The following RANBP2 variants were observed in gnomAD, a reference collection of about 807,000 sequenced individuals.
RANBP2 encodes E3 SUMO-protein ligase RanBP2.
RANBP2 carries 57 observed loss-of-function variants against 303.6 expected under a neutral mutation model. The observed-to-expected ratio is 0.19, with a 90% CI of 0.15 to 0.23. The LOEUF (loss-of-function observed/expected upper bound fraction) is 0.23. RANBP2 is among the 10% of genes least tolerant of loss of function. The pLI is 1.00. For synonymous variants in RANBP2, 1,167 were observed against 1,301.5 expected (o/e 0.90, Z 2.23); for missense variants, 3,138 against 3,780.8 (o/e 0.83, Z 4.46).
At chr2:109,594,335 G>A in the RANBP2 span, among the ~76,000 whole-genome samples, 4 of 152,098 alleles carry the variant, frequency 2.6e-5, no homozygotes, top group Non-Finnish European at 5.9e-5. Context: ...TCCCACTCTT[G>A]ATTCTCTAAT....
At chr2:108,879,746 CATT>C in the RANBP2 span, among the ~76,000 whole-genome samples, 71 of 152,160 alleles carry the variant, frequency 4.7e-4, 1 homozygote, top group East Asian at 9.7e-3. Context: ...AAGCCGCTAT[CATT>C]GTTGTGACTA....
chr2:108,854,077 TATA>T, the RANBP2 span, among the ~76,000 whole-genome samples: 15 of 130,720 alleles, frequency 1.1e-4, no homozygotes, highest in Non-Finnish European at 1.7e-4. Flanking sequence ...TTATATATAA[TATA>T]ATAAATTTAT....
At chr2:109,600,140 T>C in the RANBP2 span, among the ~76,000 whole-genome samples, 2 of 152,032 alleles carry the variant, frequency 1.3e-5, no homozygotes, top group Non-Finnish European at 2.9e-5. Flanking sequence ...CAGGGCTGCC[T>C]GGCCCAGACT....
intron 14 of RANBP2, 50 bp downstream of exon 14, chr2:108,753,613 T>G (rs202002984): frequency 3.8e-6 from 6 of 1,593,890 alleles, no homozygotes; most frequent in Non-Finnish European, 3.4e-6. Flanking sequence ...TTATTTATTA[T>G]TTTTTTAAAA....
At chr2:109,683,212 G>A in the RANBP2 span, among the ~76,000 whole-genome samples, 1 of 152,084 alleles carries the variant, frequency 6.6e-6, no homozygotes, top group Non-Finnish European at 1.5e-5. Context: ...CACCATATTG[G>A]CCAGGCTGGT....
At chr2:109,009,700 AC>A in the RANBP2 span, among the ~76,000 whole-genome samples, 1 of 62,886 alleles carries the variant, frequency 1.6e-5, no homozygotes, top group Non-Finnish European at 2.5e-5. Flanking sequence ...TGACATTTTT[AC>A]CTTTTTTTTG....
the RANBP2 span, among the ~76,000 whole-genome samples, chr2:109,480,148 A>G: frequency 2.3e-4 from 35 of 152,306 alleles, no homozygotes; most frequent in Non-Finnish European, 4.0e-4. Flanking sequence ...TTGCATATCA[A>G]CCACATTAAG....
chr2:108,843,347 G>A, the RANBP2 span, among the ~76,000 whole-genome samples: 1 of 151,952 alleles, frequency 6.6e-6, no homozygotes, highest in Non-Finnish European at 1.5e-5. Flanking sequence ...TAGTAGAGAT[G>A]GGGTTTCGCC....
At chr2:109,495,477 C>CTTTTTTTTTTTTTTTTTTTTTTTTT in the RANBP2 span, among the ~76,000 whole-genome samples, 1 of 94,240 alleles carries the variant, frequency 1.1e-5, no homozygotes, top group Non-Finnish European at 2.0e-5. Context: ...TCTTTCATTC[C>CTTTTTTTTTTTTTTTTTTTTTTTTT]TTTTTTTTTT....
At chr2:109,345,003 G>GC in the RANBP2 span, among the ~76,000 whole-genome samples, 1 of 152,152 alleles carries the variant, frequency 6.6e-6, no homozygotes, top group Non-Finnish European at 1.5e-5. Flanking sequence ...TGTCAGGGAG[G>GC]CCTGCAGGCC....
At chr2:109,206,797 CAA>C in the RANBP2 span, among the ~76,000 whole-genome samples, 5 of 152,210 alleles carry the variant, frequency 3.3e-5, no homozygotes, top group South Asian at 2.1e-4. Flanking sequence ...GCCTGGGTGA[CAA>C]GAGAGAGACA....
chr2:109,343,402 C>G, the RANBP2 span, among the ~76,000 whole-genome samples: 1 of 151,992 alleles, frequency 6.6e-6, no homozygotes, highest in Non-Finnish European at 1.5e-5. Context: ...TGTCCTGCAT[C>G]TTAAAAAGGT....
the RANBP2 span, among the ~76,000 whole-genome samples, chr2:108,799,454 T>C: frequency 6.6e-6 from 1 of 152,194 alleles, no homozygotes; most frequent in Admixed American, 6.6e-5. Context: ...CTTGTAGCTA[T>C]CCCTTTCCTC....
At chr2:108,943,575 G>C in the RANBP2 span, among the ~76,000 whole-genome samples, 2 of 152,200 alleles carry the variant, frequency 1.3e-5, no homozygotes, top group Non-Finnish European at 2.9e-5. Context: ...GAACCAGTGT[G>C]ACATGGGGCA....
the RANBP2 span, chr2:109,432,424 C>T: frequency 1.9e-6 from 3 of 1,561,706 alleles, no homozygotes; most frequent in Admixed American, 5.6e-5. Flanking sequence ...CAAAGACAAC[C>T]TCCCCCCAGG....
chr2:109,065,668 G>A, the RANBP2 span, among the ~76,000 whole-genome samples: 1 of 152,198 alleles, frequency 6.6e-6, no homozygotes, highest in African/African-American at 2.4e-5. Context: ...ACACCTGAGA[G>A]CTCCAGAGAG....
chr2:109,636,988 G>A, the RANBP2 span, among the ~76,000 whole-genome samples: 1 of 133,496 alleles, frequency 7.5e-6, no homozygotes, highest in East Asian at 2.2e-4. Flanking sequence ...GACCTGCACC[G>A]GCACCGGTCT....
chr2:109,726,889 C>T, the RANBP2 span, among the ~76,000 whole-genome samples: 1 of 152,196 alleles, frequency 6.6e-6, no homozygotes, highest in African/African-American at 2.4e-5. Context: ...ACACTGGCTG[C>T]ATGCCACTAC....
At chr2:109,170,236 TCTTTTCTTTTCTCTTCTCTTCTC>T in the RANBP2 span, among the ~76,000 whole-genome samples, 22 of 38,788 alleles carry the variant, frequency 5.7e-4, no homozygotes, top group Non-Finnish European at 8.3e-4. Context: ...TCTCTTCTCT[TCTTTTCTTTTCTCTTCTCTTCTC>T]TTCTCTTCTC....
Sources: gnomAD v4.1 joint callset for allele counts (sites outside exome capture counted in the v4.1 genomes callset) on GRCh38, gnomAD v4.1.1 for gene constraint, MANE v1.5 for transcripts, NCBI Gene and HGNC (gene_info 2026-07-23, HGNC 2026-07-21) for gene names.